ZBTB40: variants seen among roughly 807,000 people sequenced by gnomAD.
ZBTB40 encodes the protein zinc finger and BTB domain-containing protein 40.
ZBTB40 carries 60 observed loss-of-function variants against 117.5 expected under a neutral mutation model. The ratio of observed to expected loss-of-function variants is 0.51; its 90% confidence interval spans 0.41 to 0.63. ZBTB40 has a LOEUF of 0.63. Among genes scored for constraint, ZBTB40 ranks in the 30% least tolerant of loss-of-function variants. The pLI is 0.00. For missense variants in ZBTB40, 1,287 were observed against 1,498.5 expected, an observed-to-expected ratio of 0.86 and a Z score of 2.33; for synonymous variants, 525 against 577.1, an observed-to-expected ratio of 0.91 and a Z score of 1.29.
chr1:22,439,344 T>C (rs778978757), intron 1 of ZBTB40, among the ~76,000 whole-genome samples: 22 of 152,254 alleles, frequency 1.4e-4, no homozygotes, highest in Non-Finnish European at 3.1e-4. Context: ...TTTAATATTT[T>C]GTGAAGTCCA....
chr1:22,474,943 TAA>T (rs57704010), intron 1 of ZBTB40, among the ~76,000 whole-genome samples: 1 of 141,118 alleles, frequency 7.1e-6, no homozygotes, highest in Non-Finnish European at 1.6e-5. Flanking sequence ...GTACCAACAA[TAA>T]AAAAAAAAAA....
At chr1:22,443,968 G>T (rs2124369008) in intron 1 of ZBTB40, among the ~76,000 whole-genome samples, 1 of 152,236 alleles carries the variant, frequency 6.6e-6, no homozygotes, top group African/African-American at 2.4e-5. Flanking sequence ...TAGTTTTTCA[G>T]GTTTCTTTGG....
At chr1:22,486,826 C>T (rs530690881) in intron 1 of ZBTB40, among the ~76,000 whole-genome samples, 61 of 152,280 alleles carry the variant, frequency 4.0e-4, no homozygotes, top group Admixed American at 1.5e-3. Flanking sequence ...GCCTCTGCCT[C>T]CTAGGTTCAA....
At position 22,526,833 on chromosome 1, in the gene ZBTB40, T is replaced by A. The variant is rs1639692373; in HGVS notation, c.*437T>A. 1.0e-5 allele frequency: 3 copies of A among 286,028 alleles called. No homozygotes were observed. The South Asian group carries it at 1.1e-4, about 10-fold the overall frequency. 17.7% of individuals were successfully genotyped at this position (286,028 alleles called of 1,614,324 possible). A position where few individuals can be genotyped will look rare whatever the true frequency, so the allele number is the denominator to read the frequency against. ...CAGTGGGGGCTGCAAATGCTGCCAC[T>A]GCCTCTGGCCATTTAAAGTGAGAGG... On this transcript the variant is annotated 3_prime_UTR_variant, in exon 18 of 18. Coordinates refer to ENST00000375647, the MANE Select transcript of ZBTB40 (RefSeq NM_014870.4).
At chr1:22,460,164 C>A (rs1021364319) in intron 1 of ZBTB40, among the ~76,000 whole-genome samples, 1 of 152,058 alleles carries the variant, frequency 6.6e-6, no homozygotes, top group African/African-American at 2.4e-5. Flanking sequence ...CTGTGTCCTG[C>A]GTACAGTTCA....
At chr1:22,500,700 G>T (rs1338662247) in intron 3 of ZBTB40, among the ~76,000 whole-genome samples, 1 of 152,188 alleles carries the variant, frequency 6.6e-6, no homozygotes, top group Non-Finnish European at 1.5e-5. Context: ...ATAAACGTTG[G>T]TTAGGGGAAG....
chr1:22,518,553 C>G (rs976660154), intron 13 of ZBTB40, among the ~76,000 whole-genome samples: 1 of 152,200 alleles, frequency 6.6e-6, no homozygotes. Flanking sequence ...CTCCCCACCC[C>G]TCTTCCCACA....
intron 1 of ZBTB40, among the ~76,000 whole-genome samples, chr1:22,435,411 G>A (rs542913701): frequency 6.6e-6 from 1 of 152,054 alleles, no homozygotes; most frequent in South Asian, 2.1e-4. Flanking sequence ...CTGTATATTT[G>A]TTTAATATTC....
chr1:22,485,618 A>G (rs1228644151), intron 1 of ZBTB40, among the ~76,000 whole-genome samples: 4 of 151,836 alleles, frequency 2.6e-5, no homozygotes, highest in African/African-American at 7.3e-5. Flanking sequence ...TAATTTGGGG[A>G]AATTCTCAGT....
At position 22,486,717 on chromosome 1, in the gene ZBTB40, T is replaced by TTTTTGTTTTG. The variant is rs199723095; in HGVS notation, c.-69-3138_-69-3129dup. Among the ~76,000 whole-genome samples the TTTTTGTTTTG allele has an allele frequency of 4.1e-4, 6 of 14,786 alleles. No individual in the cohort carries two copies. The East Asian group carries it at 0.022, about 54-fold the overall frequency. 9.7% of individuals were successfully genotyped at this position (14,786 alleles called of 152,430 possible). A position where few individuals can be genotyped will look rare whatever the true frequency, so the allele number is the denominator to read the frequency against. ...TACAGAGGCGTTTGTTCATACATTT[T>TTTTTGTTTTG]TTTTGTTTTGTTTTGTTTTGTTTTG... On this transcript the variant is annotated intron_variant, in intron 1 of 17. Transcript: ENST00000375647.
intron 1 of ZBTB40, among the ~76,000 whole-genome samples, chr1:22,485,878 T>A (rs766968520): frequency 6.6e-6 from 1 of 152,206 alleles, no homozygotes; most frequent in Non-Finnish European, 1.5e-5. Context: ...TTTTTATCTC[T>A]AGCATTTCTT....
chr1:22,463,546 CT>C (rs1394424323), intron 1 of ZBTB40, among the ~76,000 whole-genome samples: 1 of 152,190 alleles, frequency 6.6e-6, no homozygotes, highest in African/African-American at 2.4e-5. Context: ...GTTGAGACTC[CT>C]GACTGCAGGA....
Position 22,470,231 on chromosome 1 carries a change from A to G in ZBTB40, c.-70+18227A>G, listed in dbSNP as rs143943339. Among the ~76,000 whole-genome samples the G allele has an allele frequency of 1.7e-4, 26 of 152,358 alleles. No individual in the cohort carries two copies. The East Asian group carries it at 4.4e-3, about 26-fold the overall frequency. ...CTGTAAAATAATAGGGCTGAATTAC[A>G]TAATCTCTGAGGATAATTCTAGTTG... is the stretch of plus-strand genomic sequence containing the variant. On this transcript the variant is annotated intron_variant, in intron 1 of 17. Coordinates refer to ENST00000375647, the MANE Select transcript of ZBTB40 (RefSeq NM_014870.4).
At chr1:22,475,093 C>A (rs550837143) in intron 1 of ZBTB40, among the ~76,000 whole-genome samples, 1 of 152,200 alleles carries the variant, frequency 6.6e-6, no homozygotes, top group African/African-American at 2.4e-5. Flanking sequence ...TGACTTTTCT[C>A]TCTTGGATAT....
chr1:22,435,503 T>C (rs1264063974), intron 1 of ZBTB40, among the ~76,000 whole-genome samples: 2 of 152,180 alleles, frequency 1.3e-5, no homozygotes, highest in South Asian at 2.1e-4. Flanking sequence ...TATATTTGAT[T>C]CTTTAGGGCT....
Position 22,508,980 on chromosome 1 carries a change from A to G in ZBTB40, c.1700-120A>G, listed in dbSNP as rs1187391241. 3 of 1,527,066 alleles carry G rather than the reference A, an allele frequency of 2.0e-6. No individual in the cohort carries two copies. The African/African-American group carries it at 4.1e-5, about 21-fold the overall frequency. 94.6% of individuals were successfully genotyped at this position (1,527,066 alleles called of 1,614,324 possible). A position where few individuals can be genotyped will look rare whatever the true frequency, so the allele number is the denominator to read the frequency against. ...CTATTTGCCGTTTTCCCCACTGCCA[A>G]CCTCAGATAGGAGATAGGGGAAATG... On this transcript the variant is annotated intron_variant, in intron 8 of 17. Transcript: ENST00000375647.
At chr1:22,498,930 G>A (rs1028768015) in intron 3 of ZBTB40, among the ~76,000 whole-genome samples, 3 of 152,226 alleles carry the variant, frequency 2.0e-5, no homozygotes, top group Admixed American at 2.0e-4. Context: ...AAGTGGCTCT[G>A]TATTAGTTAT....
intron 1 of ZBTB40, among the ~76,000 whole-genome samples, chr1:22,489,276 G>A (rs1481897010): frequency 1.3e-5 from 2 of 152,212 alleles, no homozygotes; most frequent in Middle Eastern, 3.4e-3. Flanking sequence ...CTGGGTCCTC[G>A]AGCACTCCAA....
intron 1 of ZBTB40, among the ~76,000 whole-genome samples, chr1:22,443,019 T>C (rs947297122): frequency 6.6e-6 from 1 of 152,154 alleles, no homozygotes; most frequent in Non-Finnish European, 1.5e-5. Flanking sequence ...TCTGGCCAGG[T>C]TCTCAGAGTG....
Sources: gnomAD v4.1 joint callset for allele counts (sites outside exome capture counted in the v4.1 genomes callset) on GRCh38, gnomAD v4.1.1 for gene constraint, MANE v1.5 for transcripts, NCBI Gene and HGNC (gene_info 2026-07-23, HGNC 2026-07-21) for gene names.